PGCKA1: variants seen among roughly 807,000 people sequenced by gnomAD.
PGCKA1 encodes PDCD10 and GCKIII kinases associated 1, also known as PDCD10 and GCKIII kinases-associated protein 1.
the PGCKA1 span, among the ~76,000 whole-genome samples, chr4:37,567,451 G>A: frequency 6.6e-6 from 1 of 152,292 alleles, no homozygotes; most frequent in African/African-American, 2.4e-5. Flanking sequence ...CATCATTCGC[G>A]TGTTGCAGAT....
chr4:37,489,695 CCTT>C, the PGCKA1 span, among the ~76,000 whole-genome samples: 1 of 152,052 alleles, frequency 6.6e-6, no homozygotes, highest in Non-Finnish European at 1.5e-5. Context: ...TTATTGAGCA[CCTT>C]CTCTGTGTGC....
chr4:37,569,325 G>A, the PGCKA1 span, among the ~76,000 whole-genome samples: 1 of 151,944 alleles, frequency 6.6e-6, no homozygotes, highest in Non-Finnish European at 1.5e-5. Context: ...AGCCTCTTGA[G>A]TAGCTGAGAT....
At chr4:37,454,608 C>G in the PGCKA1 span, among the ~76,000 whole-genome samples, 1 of 152,092 alleles carries the variant, frequency 6.6e-6, no homozygotes, top group Non-Finnish European at 1.5e-5. Flanking sequence ...GGAGGCCTCA[C>G]GTAGTGAAAA....
the PGCKA1 span, among the ~76,000 whole-genome samples, chr4:37,471,765 A>T: frequency 5.3e-5 from 8 of 152,302 alleles, no homozygotes; most frequent in Admixed American, 4.6e-4. Context: ...AAGTGCTAAA[A>T]GTAGAAGAAT....
the PGCKA1 span, among the ~76,000 whole-genome samples, chr4:37,566,804 A>C: frequency 3.3e-5 from 5 of 151,604 alleles, no homozygotes; most frequent in South Asian, 1.0e-3. Context: ...CTGCTCTAGA[A>C]CTCCTGACCT....
the PGCKA1 span, among the ~76,000 whole-genome samples, chr4:37,484,666 G>T: frequency 1.3e-5 from 2 of 152,166 alleles, no homozygotes; most frequent in Admixed American, 6.5e-5. Context: ...TCTCTTTTCT[G>T]TATAAATTAC....
the PGCKA1 span, among the ~76,000 whole-genome samples, chr4:37,570,681 T>A: frequency 6.6e-6 from 1 of 152,366 alleles, no homozygotes; most frequent in South Asian, 2.1e-4. Flanking sequence ...CTGTGTTTTC[T>A]AAACATTAGC....
At chr4:37,546,810 G>C in the PGCKA1 span, among the ~76,000 whole-genome samples, 1 of 152,266 alleles carries the variant, frequency 6.6e-6, no homozygotes, top group Non-Finnish European at 1.5e-5. Flanking sequence ...ACCGCTCCCA[G>C]GTAGGCAATT....
chr4:37,587,284 T>A, the PGCKA1 span, among the ~76,000 whole-genome samples: 1 of 152,142 alleles, frequency 6.6e-6, no homozygotes, highest in African/African-American at 2.4e-5. Flanking sequence ...ATCCTACACT[T>A]AATCACATCT....
At chr4:37,565,303 C>T in the PGCKA1 span, among the ~76,000 whole-genome samples, 3 of 152,154 alleles carry the variant, frequency 2.0e-5, no homozygotes, top group South Asian at 6.2e-4. Flanking sequence ...CCAAAACCTT[C>T]GCATGGGGCC....
chr4:37,574,867 G>GTCTT, the PGCKA1 span, among the ~76,000 whole-genome samples: 244 of 152,112 alleles, frequency 1.6e-3, 1 homozygote, highest in African/African-American at 5.6e-3. Context: ...TGAGAAATTT[G>GTCTT]TCTTTCTGTG....
the PGCKA1 span, among the ~76,000 whole-genome samples, chr4:37,457,378 G>A: frequency 2.6e-5 from 4 of 152,190 alleles, no homozygotes; most frequent in Non-Finnish European, 5.9e-5. Flanking sequence ...ATATTTGTAA[G>A]AGTATTAGTG....
the PGCKA1 span, among the ~76,000 whole-genome samples, chr4:37,547,651 C>G: frequency 6.6e-6 from 1 of 152,118 alleles, no homozygotes; most frequent in Non-Finnish European, 1.5e-5. Flanking sequence ...CCAAGGCACC[C>G]AGACCAGTTT....
the PGCKA1 span, chr4:37,589,023 C>T: frequency 1.7e-5 from 12 of 686,470 alleles, no homozygotes; most frequent in Non-Finnish European, 2.3e-5. Flanking sequence ...ATTGCCAACA[C>T]ATTAAGAGTT....
At chr4:37,546,979 C>A in the PGCKA1 span, among the ~76,000 whole-genome samples, 1 of 152,222 alleles carries the variant, frequency 6.6e-6, no homozygotes, top group African/African-American at 2.4e-5. Flanking sequence ...GGCCTGATCA[C>A]CCACGGCATG....
the PGCKA1 span, among the ~76,000 whole-genome samples, chr4:37,508,693 G>GTTTTTTTTTTTTTTTTT: frequency 2.4e-3 from 126 of 52,912 alleles, no homozygotes; most frequent in Middle Eastern, 9.6e-3. Flanking sequence ...CTTTTTTTTA[G>GTTTTTTTTTTTTTTTTT]TATTTATTGA....
chr4:37,527,377 A>G, the PGCKA1 span, among the ~76,000 whole-genome samples: 3 of 152,174 alleles, frequency 2.0e-5, no homozygotes, highest in Non-Finnish European at 4.4e-5. Context: ...TAGGCTTCAT[A>G]TTCACTCAAA....
At chr4:37,537,502 AATAAC>A in the PGCKA1 span, among the ~76,000 whole-genome samples, 18 of 152,356 alleles carry the variant, frequency 1.2e-4, no homozygotes, top group East Asian at 2.1e-3. Flanking sequence ...CTAGTCTAGA[AATAAC>A]ATAAGGAACA....
the PGCKA1 span, among the ~76,000 whole-genome samples, chr4:37,541,606 C>G: frequency 6.6e-6 from 1 of 152,224 alleles, no homozygotes; most frequent in African/African-American, 2.4e-5. Flanking sequence ...TTTTGTGCTT[C>G]TGCCACCAGC....
Sources: gnomAD v4.1 joint callset for allele counts (sites outside exome capture counted in the v4.1 genomes callset) on GRCh38, gnomAD v4.1.1 for gene constraint, MANE v1.5 for transcripts, NCBI Gene and HGNC (gene_info 2026-07-23, HGNC 2026-07-21) for gene names.